The following CNTN1 variants were observed in gnomAD, a reference collection of about 807,000 sequenced individuals.
The protein encoded by CNTN1 is contactin 1.
Under a neutral mutation model 126.4 loss-of-function variants are expected in CNTN1, and 38 were observed. That is an observed-to-expected ratio of 0.30 (90% CI 0.23 to 0.39). The LOEUF is 0.39. CNTN1 is among the 10% of genes least tolerant of loss of function. The pLI, the probability that CNTN1 is intolerant of heterozygous loss-of-function variation, is 1.00. For missense variants in CNTN1, 1,009 were observed against 1,248.4 expected, an observed-to-expected ratio of 0.81 and a Z score of 2.89; for synonymous variants, 413 against 422.6, an observed-to-expected ratio of 0.98 and a Z score of 0.28.
intron 12 of CNTN1, among the ~76,000 whole-genome samples, chr12:40,940,221 G>A (rs1267469045): frequency 1.3e-5 from 2 of 151,600 alleles, no homozygotes; most frequent in Non-Finnish European, 2.9e-5. Context: ...TGAATGTGAG[G>A]GCAGCATGTA....
At chr12:40,894,052 TTGTC>T (rs1353583767) in intron 1 of CNTN1, among the ~76,000 whole-genome samples, 1 of 152,144 alleles carries the variant, frequency 6.6e-6, no homozygotes, top group Non-Finnish European at 1.5e-5. Context: ...CTTTTCCTCA[TTGTC>T]TGTTCCAATA....
chr12:40,862,973 T>G, intron 1 of CNTN1, among the ~76,000 whole-genome samples: 1 of 152,210 alleles, frequency 6.6e-6, no homozygotes, highest in East Asian at 1.9e-4. Context: ...TTTCTCTACC[T>G]TATTAAATGA....
At chr12:41,051,790 G>A (rs1329248744) in intron 23 of CNTN1, among the ~76,000 whole-genome samples, 1 of 151,714 alleles carries the variant, frequency 6.6e-6, no homozygotes, top group East Asian at 1.9e-4. Context: ...TGCATACTAT[G>A]TATTTAATGG....
intron 23 of CNTN1, among the ~76,000 whole-genome samples, chr12:41,056,157 G>A (rs532311139): frequency 1.3e-3 from 191 of 152,152 alleles, no homozygotes; most frequent in Non-Finnish European, 2.4e-3. Context: ...AACAAAGTAG[G>A]TTAGAAAATA....
chr12:40,770,313 T>A (rs902090969), intron 1 of CNTN1, among the ~76,000 whole-genome samples: 5 of 152,140 alleles, frequency 3.3e-5, no homozygotes, highest in African/African-American at 1.2e-4. Context: ...CAGGGTTGCA[T>A]TCAGAAAATT....
chr12:40,699,712 A>T (rs1309870664), intron 1 of CNTN1, among the ~76,000 whole-genome samples: 1 of 152,076 alleles, frequency 6.6e-6, no homozygotes. Flanking sequence ...CCTTCGTAAC[A>T]GTTTTGAAAG....
At chr12:40,740,727 T>C (rs943637162) in intron 1 of CNTN1, among the ~76,000 whole-genome samples, 2 of 152,144 alleles carry the variant, frequency 1.3e-5, no homozygotes, top group African/African-American at 2.4e-5. Flanking sequence ...AGGGACCCAG[T>C]GGGAGGTAAT....
intron 3 of CNTN1, among the ~76,000 whole-genome samples, chr12:40,915,394 C>T (rs1480504921): frequency 1.3e-5 from 2 of 152,100 alleles, no homozygotes; most frequent in African/African-American, 2.4e-5. Flanking sequence ...TATAATGACA[C>T]TTCTAGAAGC....
At chr12:40,947,613 C>T (rs1946475767) in intron 14 of CNTN1, among the ~76,000 whole-genome samples, 1 of 151,658 alleles carries the variant, frequency 6.6e-6, no homozygotes, top group African/African-American at 2.4e-5. Context: ...TGGCACCTAA[C>T]CTGTAGAATT....
intron 1 of CNTN1, among the ~76,000 whole-genome samples, chr12:40,810,487 T>C (rs1179643828): frequency 6.6e-6 from 1 of 152,156 alleles, no homozygotes; most frequent in African/African-American, 2.4e-5. Context: ...CTCTAGAACT[T>C]ATTCATCTTA....
At chr12:40,939,244 T>A in intron 11 of CNTN1, 91 bp from the exon 12 acceptor site, 1 of 1,357,504 alleles carries the variant, frequency 7.4e-7, no homozygotes, top group Non-Finnish European at 1.0e-6. Context: ...TTCCATTAAC[T>A]ATTAAGGAGA....
At chr12:40,840,306 A>G (rs1037697413) in intron 1 of CNTN1, among the ~76,000 whole-genome samples, 1 of 152,090 alleles carries the variant, frequency 6.6e-6, no homozygotes, top group Non-Finnish European at 1.5e-5. Flanking sequence ...ACAATTCTAT[A>G]TATACATGTA....
At chr12:41,044,984 A>G (rs1024700946) in intron 23 of CNTN1, among the ~76,000 whole-genome samples, 1 of 152,098 alleles carries the variant, frequency 6.6e-6, no homozygotes, top group Non-Finnish European at 1.5e-5. Flanking sequence ...ATTATTCATG[A>G]GAAAATGGAT....
chr12:40,773,684 TATATATATACAC>T (rs1162430259), intron 1 of CNTN1, among the ~76,000 whole-genome samples: 6 of 8,632 alleles, frequency 7.0e-4, no homozygotes, highest in African/African-American at 1.5e-3. Context: ...CACATATATA[TATATATATACAC>T]ATATATATAT....
rs768683820 is a variant in CNTN1 at position 41,020,302 on chromosome 12, C to G, written c.2420-35C>G. On this transcript the variant is annotated intron_variant, in intron 19 of 23. Coordinates refer to ENST00000551295, the MANE Select transcript of CNTN1 (RefSeq NM_001843.4). ...ATTCGAATTTCTTAAATGTAAATATCTCACTAATAATATAATGTTCTCATA... is the reference window on the plus strand; with the variant it reads ...ATTCGAATTTCTTAAATGTAAATATGTCACTAATAATATAATGTTCTCATA... The G allele has an allele frequency of 2.1e-5, 27 of 1,309,030 alleles. No individual in the cohort carries two copies. In the South Asian group the frequency reaches 3.3e-4, roughly 16 times the overall value. The allele number at this position is 1,309,030 out of a possible 1,614,324, so 81.1% of individuals were successfully genotyped here. A position where few individuals can be genotyped will look rare whatever the true frequency, so the allele number is the denominator to read the frequency against.
At chr12:41,028,914 A>C (rs1370721240) in intron 22 of CNTN1, 149 bp from the exon 23 acceptor site, 1 of 774,546 alleles carries the variant, frequency 1.3e-6, no homozygotes, top group Non-Finnish European at 2.1e-6. Context: ...GATTTTTTTC[A>C]TCTAGTTTTA....
chr12:41,042,801 G>C (rs548642059), intron 23 of CNTN1, among the ~76,000 whole-genome samples: 1 of 152,090 alleles, frequency 6.6e-6, no homozygotes, highest in Admixed American at 6.6e-5. Context: ...CCAAAACAGA[G>C]ATATAGATCA....
intron 16 of CNTN1, among the ~76,000 whole-genome samples, chr12:40,981,686 A>G (rs1947826450): frequency 6.6e-6 from 1 of 152,090 alleles, no homozygotes; most frequent in African/African-American, 2.4e-5. Context: ...CAACTTTGCC[A>G]TTTGTCATGA....
At position 40,908,422 on chromosome 12, in the gene CNTN1, C is replaced by T; in HGVS notation, c.-11C>T. 6.2e-7 allele frequency: 1 copy of T among 1,612,148 alleles called. No homozygotes were observed. Among genetic ancestry groups the T allele is most frequent in the African/African-American group, 1.3e-5 (1 of 74,966 alleles). Reference sequence around the variant, plus strand: ...TTTGGAAAATTGAACCGAACTTCTACTGAATACAAGATGAAAATGTGGTTG... The same window carrying T: ...TTTGGAAAATTGAACCGAACTTCTATTGAATACAAGATGAAAATGTGGTTG... On this transcript the variant is annotated 5_prime_UTR_variant, in exon 2 of 24. Coordinates refer to ENST00000551295, the MANE Select transcript of CNTN1 (RefSeq NM_001843.4).
Sources: allele counts gnomAD v4.1 joint callset (sites outside exome capture counted in the v4.1 genomes callset), GRCh38; gene constraint gnomAD v4.1.1; transcripts MANE v1.5; gene names NCBI Gene and HGNC (gene_info 2026-07-23, HGNC 2026-07-21).